Variants in NRG1 observed in about 807,000 individuals in gnomAD.
The protein encoded by NRG1 is neuregulin 1.
NRG1 carries 18 observed loss-of-function variants against 63.8 expected under a neutral mutation model. The observed-to-expected ratio is 0.28, with a 90% CI of 0.19 to 0.42. The LOEUF is 0.42. Among genes scored for constraint, NRG1 ranks in the 10% least tolerant of loss-of-function variants. The pLI is 1.00. For missense variants in NRG1, 762 were observed against 814.7 expected, an observed-to-expected ratio of 0.94 and a Z score of 0.79; for synonymous variants, 302 against 301.3, an observed-to-expected ratio of 1.00 and a Z score of -0.02.
At chr8:32,581,394 G>A (rs61605686) in intron 1 of NRG1, among the ~76,000 whole-genome samples, 38,994 of 152,070 alleles carry the variant, frequency 0.26, 5,123 homozygotes, top group South Asian at 0.33. Context: ...AATTCAATAT[G>A]TTTTTACATA....
intron 1 of NRG1, among the ~76,000 whole-genome samples, chr8:32,207,963 G>A (rs529894519): frequency 1.7e-4 from 26 of 152,220 alleles, no homozygotes; most frequent in African/African-American, 5.8e-4. Flanking sequence ...ACCATCCTTG[G>A]GTGTTAAGGG....
intron 1 of NRG1, among the ~76,000 whole-genome samples, chr8:32,463,873 T>C (rs1822662352): frequency 1.1e-5 from 1 of 90,242 alleles, no homozygotes; most frequent in African/African-American, 4.9e-5. Context: ...AACTTAGAAT[T>C]CTTTTTTTTT....
chr8:32,544,003 A>G (rs1422023838), upstream of NRG1, among the ~76,000 whole-genome samples: 1 of 151,874 alleles, frequency 6.6e-6, no homozygotes, highest in Non-Finnish European at 1.5e-5. Context: ...TTTCACCTCA[A>G]TTTCCTCCCT....
At chr8:31,893,763 G>C (rs1205003910) in intron 1 of NRG1, among the ~76,000 whole-genome samples, 18 of 151,908 alleles carry the variant, frequency 1.2e-4, no homozygotes, top group Non-Finnish European at 2.9e-5. Context: ...TTTAACATGT[G>C]ACTTATAAAA....
At chr8:32,597,106 A>G (rs1015239677) in intron 2 of NRG1, among the ~76,000 whole-genome samples, 37 of 152,192 alleles carry the variant, frequency 2.4e-4, no homozygotes, top group Non-Finnish European at 4.7e-4. Context: ...TTTTGCTTCT[A>G]AAGAGTCCTT....
chr8:31,830,434 C>T (rs1435334774), intron 1 of NRG1, among the ~76,000 whole-genome samples: 1 of 149,546 alleles, frequency 6.7e-6, no homozygotes, highest in East Asian at 2.0e-4. Context: ...TTTTTGAAAA[C>T]ATTTTTTATT....
chr8:31,838,754 C>G (rs1473142258), intron 1 of NRG1, among the ~76,000 whole-genome samples: 1 of 151,948 alleles, frequency 6.6e-6, no homozygotes, highest in Non-Finnish European at 1.5e-5. Flanking sequence ...TAACTTGGGC[C>G]TCTTCTAAAT....
intron 1 of NRG1, among the ~76,000 whole-genome samples, chr8:32,212,524 G>A (rs1844801944): frequency 6.6e-6 from 1 of 152,130 alleles, no homozygotes; most frequent in African/African-American, 2.4e-5. Flanking sequence ...CATGTGGTCA[G>A]TAAGTACCAT....
chr8:32,024,962 A>G (rs1817016612), intron 1 of NRG1, among the ~76,000 whole-genome samples: 1 of 152,232 alleles, frequency 6.6e-6, no homozygotes, highest in African/African-American at 2.4e-5. Flanking sequence ...GTCTACGTAT[A>G]TATTAATACA....
At chr8:32,748,941 T>A in intron 7 of NRG1, 1 of 230,372 alleles carries the variant, frequency 4.3e-6, no homozygotes, top group Non-Finnish European at 8.7e-6. Context: ...ATGAGGAAAG[T>A]GGAAGATTAG....
chr8:32,480,006 A>G (rs1467534028), intron 1 of NRG1, among the ~76,000 whole-genome samples: 2 of 152,126 alleles, frequency 1.3e-5, no homozygotes, highest in South Asian at 2.1e-4. Context: ...AGGATCACTT[A>G]AAGACCCATA....
intron 1 of NRG1, among the ~76,000 whole-genome samples, chr8:32,080,507 A>G (rs114205585): frequency 7.9e-5 from 12 of 152,302 alleles, no homozygotes; most frequent in African/African-American, 2.6e-4. Context: ...TGATAGGAAT[A>G]AAAGTGTGTG....
Position 32,303,183 on chromosome 8 carries a change from CCAAAAAAAA to C in NRG1, c.38-292644_38-292636del, listed in dbSNP as rs1445207957. On this transcript the variant is annotated intron_variant, in intron 1 of 10. Transcript: ENST00000519301. ...GGCAGAAAGAAGAGAAACTCAGTCT[CCAAAAAAAA>C]AAAAAAAAAAAAAAAGAGAAAAGAA... Among the ~76,000 whole-genome samples the C allele has an allele frequency of 6.7e-5, 4 of 59,708 alleles. 2 individuals are homozygous for C. The highest frequency in any genetic ancestry group is 1.2e-4 in the Non-Finnish European group (4 of 34,742). 39.2% of individuals were successfully genotyped at this position (59,708 alleles called of 152,430 possible). A position where few individuals can be genotyped will look rare whatever the true frequency, so the allele number is the denominator to read the frequency against.
chr8:32,490,296 C>T (rs370285821), intron 1 of NRG1, among the ~76,000 whole-genome samples: 17 of 149,084 alleles, frequency 1.1e-4, no homozygotes, highest in African/African-American at 3.9e-4. Context: ...CAGAACGAGA[C>T]TCTGTCTCAA....
chr8:32,147,307 G>A (rs977365590), intron 1 of NRG1, among the ~76,000 whole-genome samples: 1 of 152,106 alleles, frequency 6.6e-6, no homozygotes, highest in African/African-American at 2.4e-5. Context: ...TCTTCATAAG[G>A]ATATTCACCA....
chr8:32,349,236 A>G (rs1419614672), intron 1 of NRG1, among the ~76,000 whole-genome samples: 1 of 152,200 alleles, frequency 6.6e-6, no homozygotes, highest in Non-Finnish European at 1.5e-5. Flanking sequence ...TCATCTTTAA[A>G]TGGGGCTGCG....
chr8:32,503,735 A>G (rs1274175486), intron 1 of NRG1, among the ~76,000 whole-genome samples: 1 of 152,188 alleles, frequency 6.6e-6, no homozygotes, highest in Non-Finnish European at 1.5e-5. Flanking sequence ...TTGCCTCCTT[A>G]GAAGAAAGAG....
chr8:32,360,519 T>C (rs1334939631), intron 1 of NRG1, among the ~76,000 whole-genome samples: 2 of 152,206 alleles, frequency 1.3e-5, no homozygotes, highest in African/African-American at 4.8e-5. Flanking sequence ...TAGCATGTTC[T>C]TTTTCTGAAT....
chr8:32,132,873 T>C (rs1383374934), intron 1 of NRG1, among the ~76,000 whole-genome samples: 1 of 152,104 alleles, frequency 6.6e-6, no homozygotes, highest in East Asian at 1.9e-4. Flanking sequence ...CTAAGGAAGT[T>C]TTACAGGCTT....
Sources: allele counts gnomAD v4.1 joint callset (sites outside exome capture counted in the v4.1 genomes callset), GRCh38; gene constraint gnomAD v4.1.1; transcripts MANE v1.5; gene names NCBI Gene and HGNC (gene_info 2026-07-23, HGNC 2026-07-21).